Variants in RUNX3 observed in about 807,000 individuals in gnomAD.
RUNX3 encodes the protein runt-related transcription factor 3.
Under a neutral mutation model 27.7 loss-of-function variants are expected in RUNX3, and 10 were observed. The observed-to-expected ratio is 0.36, with a 90% CI of 0.22 to 0.61. The LOEUF (loss-of-function observed/expected upper bound fraction) is 0.61, where lower values mean the gene tolerates loss of function less well. Ranked by LOEUF, RUNX3 falls within the 20% of genes least tolerant of loss-of-function variation. The probability of loss-of-function intolerance (pLI) is 0.72; values close to 1 mark genes in which losing one functional copy is unlikely to be tolerated. For missense variants in RUNX3, 469 were observed against 629.5 expected, an observed-to-expected ratio of 0.75 and a Z score of 2.73; for synonymous variants, 270 against 269.2, an observed-to-expected ratio of 1.00 and a Z score of -0.03.
rs535411897 is a variant in RUNX3, at chr1:24,902,023, G to A, written c.*99C>T. The A allele has an allele frequency of 1.4e-5, 16 of 1,157,614 alleles. No individual in the cohort carries two copies. The highest frequency in any genetic ancestry group is 8.4e-5 in the Admixed American group (3 of 35,852). The allele number at this position is 1,157,614 out of a possible 1,614,324, so 71.7% of individuals were successfully genotyped here. ...CCTGGGACCGAGACCACCCTGGAGC[G>A]CAGGTCCCATTCCCGCCCGGAGCCT... On this transcript the variant is annotated 3_prime_UTR_variant, in exon 5 of 5. Coordinates refer to ENST00000308873, the MANE Select transcript of RUNX3 (RefSeq NM_004350.3). This position sits in a 1 kb window ranked among gnomAD's most constrained non-coding sequence, Gnocchi z 9.2.
intron 2 of RUNX3, among the ~76,000 whole-genome samples, chr1:24,955,460 G>T (rs1446760277): frequency 2.0e-5 from 3 of 152,178 alleles, no homozygotes. Flanking sequence ...AGGTGGTGAT[G>T]CCCAGCACAC....
intron 2 of RUNX3, among the ~76,000 whole-genome samples, chr1:24,950,373 C>T (rs1302623276): frequency 6.6e-6 from 1 of 152,162 alleles, no homozygotes; most frequent in Non-Finnish European, 1.5e-5. Context: ...GGCGGCAGTG[C>T]AGGTAGTGGG....
intron 2 of RUNX3, among the ~76,000 whole-genome samples, chr1:24,925,324 C>G (rs771444934): frequency 6.6e-6 from 1 of 151,964 alleles, no homozygotes; most frequent in African/African-American, 2.4e-5. Flanking sequence ...CCCCCACCCC[C>G]GCCCAAACCA....
At chr1:24,948,983 G>T (rs918923563) in intron 2 of RUNX3, among the ~76,000 whole-genome samples, 7 of 151,852 alleles carry the variant, frequency 4.6e-5, no homozygotes. Flanking sequence ...AATAATATGA[G>T]CACAATGAAA....
At chr1:24,930,895 C>A (rs1227433476), upstream of RUNX3, among the ~76,000 whole-genome samples, 2 of 152,164 alleles carry the variant, frequency 1.3e-5, no homozygotes, top group African/African-American at 4.8e-5. The surrounding 1 kb of genome is among the most constrained non-coding windows in gnomAD (Gnocchi z 4.1). Context: ...GGCCCCTGTG[C>A]CAAACCGGGG....
At chr1:24,934,522 G>A (rs1487471318), upstream of RUNX3, among the ~76,000 whole-genome samples, 13 of 152,178 alleles carry the variant, frequency 8.5e-5, no homozygotes, top group African/African-American at 3.1e-4. Flanking sequence ...GGTCCCCGAG[G>A]GTAAAATGGG....
chr1:24,948,809 C>T (rs1412754225), intron 2 of RUNX3, among the ~76,000 whole-genome samples: 4 of 151,994 alleles, frequency 2.6e-5, no homozygotes, highest in Non-Finnish European at 5.9e-5. Context: ...CCACAGGGCT[C>T]AAATGCTGTC....
In RUNX3 at chr1:24,944,731, T is replaced by C. The variant is rs72876137; in HGVS notation, c.59-14879A>G. Among the ~76,000 whole-genome samples the C allele has an allele frequency of 7.8e-3, 1,182 of 151,722 alleles. 19 individuals carry two copies. Among genetic ancestry groups the C allele is most frequent in the African/African-American group, 0.027 (1,135 of 41,318 alleles). On this transcript the variant is annotated intron_variant, in intron 2 of 6. Transcript: ENST00000338888. ...GGCTCAAAGCTGTGGGCTTTGAAGGTGGAGGAAGGGGCTATGAGCCATGGA... is the reference window on the plus strand; with the variant it reads ...GGCTCAAAGCTGTGGGCTTTGAAGGCGGAGGAAGGGGCTATGAGCCATGGA...
chr1:24,940,593 T>C (rs1282073502), intron 2 of RUNX3, among the ~76,000 whole-genome samples: 1 of 152,164 alleles, frequency 6.6e-6, no homozygotes, highest in Non-Finnish European at 1.5e-5. Context: ...AGCAAGAGAA[T>C]AGTTAATACA....
intron 2 of RUNX3, among the ~76,000 whole-genome samples, chr1:24,954,965 A>C (rs1242246835): frequency 6.6e-6 from 1 of 152,104 alleles, no homozygotes; most frequent in East Asian, 1.9e-4. Context: ...AGCCATGACC[A>C]ACCCCAGGCC....
At chr1:24,924,428 G>GTTT (rs34349689) in intron 2 of RUNX3, among the ~76,000 whole-genome samples, 13 of 151,086 alleles carry the variant, frequency 8.6e-5, no homozygotes, top group African/African-American at 3.2e-4. Flanking sequence ...TAAAACAAGG[G>GTTT]TTTTTTTTGT....
intron 3 of RUNX3, among the ~76,000 whole-genome samples, chr1:24,913,948 G>C (rs1045565040): frequency 3.3e-5 from 5 of 152,228 alleles, no homozygotes; most frequent in Non-Finnish European, 7.3e-5. Context: ...GGGGGGCCAT[G>C]CATGTCGTCT....
chr1:24,905,612 C>T (rs1170602244), intron 4 of RUNX3, among the ~76,000 whole-genome samples: 1 of 152,226 alleles, frequency 6.6e-6, no homozygotes, highest in Non-Finnish European at 1.5e-5. Flanking sequence ...GCCGTGGGGC[C>T]AGGCATTGAT....
chr1:24,922,186 CCTTT>C (rs1229796206), intron 2 of RUNX3, among the ~76,000 whole-genome samples: 120 of 149,762 alleles, frequency 8.0e-4, no homozygotes, highest in African/African-American at 2.0e-3. Flanking sequence ...TTCTTTCTTT[CCTTT>C]CTTTCTTTTT....
At chr1:24,937,501 C>T (rs1196283654) in intron 2 of RUNX3, among the ~76,000 whole-genome samples, 2 of 152,206 alleles carry the variant, frequency 1.3e-5, no homozygotes, top group Admixed American at 6.5e-5. Flanking sequence ...CTGAGATGAA[C>T]TTCAGAATGA....
At chr1:24,951,538 G>T (rs890608995) in intron 2 of RUNX3, among the ~76,000 whole-genome samples, 1 of 152,224 alleles carries the variant, frequency 6.6e-6, no homozygotes, top group Non-Finnish European at 1.5e-5. Context: ...CAGTAAGAAG[G>T]TGGTGGAGCT....
intron 3 of RUNX3, among the ~76,000 whole-genome samples, chr1:24,915,913 C>A (rs1640880776): frequency 6.6e-6 from 1 of 152,156 alleles, no homozygotes; most frequent in African/African-American, 2.4e-5. Context: ...TCTTAACCAG[C>A]CCCCAGTGAC....
intron 2 of RUNX3, among the ~76,000 whole-genome samples, chr1:24,953,363 G>GAAAAAAAA (rs71577738): frequency 4.9e-5 from 3 of 60,674 alleles, no homozygotes; most frequent in Non-Finnish European, 8.6e-5. Flanking sequence ...GACTCCGTCT[G>GAAAAAAAA]AAAAAAAAAA....
chr1:24,939,129 C>G (rs1641415577), intron 2 of RUNX3, among the ~76,000 whole-genome samples: 1 of 152,134 alleles, frequency 6.6e-6, no homozygotes, highest in Non-Finnish European at 1.5e-5. Context: ...GACTCCAGGA[C>G]TGGAGGGGCA....
Sources: allele counts gnomAD v4.1 joint callset (sites outside exome capture counted in the v4.1 genomes callset), GRCh38; gene constraint gnomAD v4.1.1; non-coding constraint Gnocchi (gnomAD v3.1); transcripts MANE v1.5; gene names NCBI Gene and HGNC (gene_info 2026-07-23, HGNC 2026-07-21).